The following NCKAP5 variants were observed in gnomAD, a reference collection of about 807,000 sequenced individuals.
NCKAP5 encodes the protein NCK associated protein 5.
A neutral mutation model predicts 167.0 loss-of-function variants in NCKAP5; 92 were observed. The observed-to-expected ratio is 0.55, with a 90% CI of 0.47 to 0.66. The LOEUF (loss-of-function observed/expected upper bound fraction) is 0.66, where lower values mean the gene tolerates loss of function less well. Among genes scored for constraint, NCKAP5 ranks in the 30% least tolerant of loss-of-function variants. The probability of loss-of-function intolerance (pLI) is 0.00; values close to 1 mark genes in which losing one functional copy is unlikely to be tolerated. For missense variants in NCKAP5, 2,378 were observed against 2,315.0 expected (o/e 1.03, Z -0.56); for synonymous variants, 891 against 877.4 (o/e 1.02, Z -0.27).
At chr2:133,025,971 C>G (rs2149405665) in intron 6 of NCKAP5, among the ~76,000 whole-genome samples, 1 of 152,246 alleles carries the variant, frequency 6.6e-6, no homozygotes, top group East Asian at 1.9e-4. Flanking sequence ...TCCTGATGTT[C>G]TCCCTCCCCC....
At chr2:132,726,359 A>G (rs188803736) in intron 18 of NCKAP5, among the ~76,000 whole-genome samples, 23 of 152,336 alleles carry the variant, frequency 1.5e-4, no homozygotes, top group Admixed American at 7.2e-4. Flanking sequence ...TCTTGCTCAC[A>G]TGTACACATC....
chr2:132,887,361 A>T (rs1402666932), intron 8 of NCKAP5, among the ~76,000 whole-genome samples: 4 of 100,290 alleles, frequency 4.0e-5, no homozygotes, highest in African/African-American at 1.3e-4. Flanking sequence ...CCATCCATCC[A>T]TCTTTCCATC....
At chr2:133,524,719 C>T (rs2104790087) in intron 2 of NCKAP5, among the ~76,000 whole-genome samples, 1 of 152,214 alleles carries the variant, frequency 6.6e-6, no homozygotes, top group East Asian at 1.9e-4. Context: ...TCTTTTTATT[C>T]TGATTTATTA....
chr2:132,940,064 C>T (rs1697178588), intron 8 of NCKAP5, among the ~76,000 whole-genome samples: 1 of 152,062 alleles, frequency 6.6e-6, no homozygotes, highest in Admixed American at 6.5e-5. Flanking sequence ...TTCTGAGTTC[C>T]CAAAGTCCAT....
At chr2:132,694,564 G>A (rs553076880) in intron 19 of NCKAP5, among the ~76,000 whole-genome samples, 2 of 152,282 alleles carry the variant, frequency 1.3e-5, no homozygotes, top group Non-Finnish European at 2.9e-5. Context: ...CCCAGGATTC[G>A]ATTCCCAGTT....
chr2:133,232,831 T>C (rs1025941928), intron 4 of NCKAP5, among the ~76,000 whole-genome samples: 6 of 152,232 alleles, frequency 3.9e-5, no homozygotes, highest in African/African-American at 1.2e-4. Flanking sequence ...ATATGTCTAA[T>C]AATAGTATTA....
intron 3 of NCKAP5, among the ~76,000 whole-genome samples, chr2:133,391,819 A>T (rs1357075817): frequency 6.6e-6 from 1 of 152,136 alleles, no homozygotes; most frequent in Admixed American, 6.5e-5. Context: ...ACAGTTTTCC[A>T]TTACTCACAA....
chr2:132,895,346 C>CAAAAAAAAAAA (rs563409400), intron 8 of NCKAP5, among the ~76,000 whole-genome samples: 1 of 71,900 alleles, frequency 1.4e-5, no homozygotes, highest in Non-Finnish European at 3.6e-5. Flanking sequence ...GACTCTGTCT[C>CAAAAAAAAAAA]AAAAAAAAAA....
chr2:133,218,494 T>C (rs1253769603), intron 4 of NCKAP5, among the ~76,000 whole-genome samples: 1 of 152,186 alleles, frequency 6.6e-6, no homozygotes, highest in Non-Finnish European at 1.5e-5. Context: ...GTTTTGATCT[T>C]GCAGTTCCTT....
At chr2:133,423,076 G>A (rs1260134682) in intron 3 of NCKAP5, among the ~76,000 whole-genome samples, 4 of 152,186 alleles carry the variant, frequency 2.6e-5, no homozygotes, top group African/African-American at 4.8e-5. Flanking sequence ...TCTCTGCATG[G>A]AAGCAGCTTT....
At chr2:132,768,560 G>GA (rs1030675966) in intron 16 of NCKAP5, among the ~76,000 whole-genome samples, 1 of 150,106 alleles carries the variant, frequency 6.7e-6, no homozygotes, top group South Asian at 2.1e-4. Flanking sequence ...CAATTTTAAA[G>GA]AAAAAAATGC....
At chr2:132,871,875 G>A (rs149954822) in intron 9 of NCKAP5, among the ~76,000 whole-genome samples, 5 of 152,250 alleles carry the variant, frequency 3.3e-5, no homozygotes, top group African/African-American at 9.6e-5. Flanking sequence ...TTTTGTTATC[G>A]CTTTTAACAG....
chr2:133,092,442 C>A (rs548883556), intron 6 of NCKAP5, among the ~76,000 whole-genome samples: 2 of 152,260 alleles, frequency 1.3e-5, no homozygotes, highest in South Asian at 2.1e-4. Flanking sequence ...CCTGCCAGCA[C>A]CTTGATTGAA....
chr2:133,606,947 G>A, the NCKAP5 span, among the ~76,000 whole-genome samples: 1 of 152,076 alleles, frequency 6.6e-6, no homozygotes, highest in Admixed American at 6.6e-5. Context: ...GTGTCCAGAA[G>A]TCCTCATGCC....
chr2:133,594,661 G>T, the NCKAP5 span, among the ~76,000 whole-genome samples: 1 of 152,230 alleles, frequency 6.6e-6, no homozygotes, highest in Admixed American at 6.5e-5. Flanking sequence ...ATCTACAAAA[G>T]GGAGGTCATT....
At chr2:133,375,845 T>C (rs139286572) in intron 3 of NCKAP5, among the ~76,000 whole-genome samples, 45 of 152,352 alleles carry the variant, frequency 3.0e-4, no homozygotes, top group Admixed American at 6.5e-4. Flanking sequence ...AGTCTATCAC[T>C]GATGAACATT....
intron 3 of NCKAP5, among the ~76,000 whole-genome samples, chr2:133,405,294 A>G (rs763315655): frequency 6.6e-6 from 1 of 152,246 alleles, no homozygotes; most frequent in East Asian, 1.9e-4. Flanking sequence ...CAACAGCACT[A>G]TAACTTATAC....
At chr2:133,495,521 A>C (rs576814838) in intron 3 of NCKAP5, among the ~76,000 whole-genome samples, 3 of 152,278 alleles carry the variant, frequency 2.0e-5, no homozygotes, top group Non-Finnish European at 2.9e-5. Flanking sequence ...CCATTGTTAG[A>C]CTCATCCAAG....
chr2:133,002,651 A>G (rs1416235812), intron 6 of NCKAP5, among the ~76,000 whole-genome samples: 1 of 152,218 alleles, frequency 6.6e-6, no homozygotes, highest in Admixed American at 6.5e-5. Flanking sequence ...CAGAAAACAC[A>G]GAGCCAAGCC....
Sources: gnomAD v4.1 joint callset for allele counts (sites outside exome capture counted in the v4.1 genomes callset) on GRCh38, gnomAD v4.1.1 for gene constraint, MANE v1.5 for transcripts, NCBI Gene and HGNC (gene_info 2026-07-23, HGNC 2026-07-21) for gene names.